CCNY: variants seen among roughly 807,000 people sequenced by gnomAD.
The protein encoded by CCNY is cyclin Y.
A neutral mutation model predicts 42.8 loss-of-function variants in CCNY; 19 were observed. The observed-to-expected ratio is 0.44, with a 90% confidence interval of 0.31 to 0.65. The LOEUF is 0.65. Ranked by LOEUF, CCNY falls within the 30% of genes least tolerant of loss-of-function variation. The pLI is 0.07. For synonymous variants in CCNY, 165 were observed against 162.7 expected, an observed-to-expected ratio of 1.01 and a Z score of -0.11; for missense variants, 370 against 437.3, an observed-to-expected ratio of 0.85 and a Z score of 1.37.
At chr10:35,480,285 C>T (rs1475800422) in intron 1 of CCNY, among the ~76,000 whole-genome samples, 10 of 152,308 alleles carry the variant, frequency 6.6e-5, no homozygotes, top group Non-Finnish European at 1.3e-4. Context: ...TTTTCTTAGC[C>T]TCCCACTTGG....
At chr10:35,430,464 G>A (rs952600749) in intron 1 of CCNY, among the ~76,000 whole-genome samples, 1 of 151,952 alleles carries the variant, frequency 6.6e-6, no homozygotes, top group Non-Finnish European at 1.5e-5. Flanking sequence ...AGTGGGAAAG[G>A]AAAGAGGGAG....
chr10:35,506,909 A>G (rs1249730091), intron 3 of CCNY, among the ~76,000 whole-genome samples: 1 of 152,204 alleles, frequency 6.6e-6, no homozygotes. Context: ...TTGCTCTGAC[A>G]CTGCTACATG....
intron 1 of CCNY, among the ~76,000 whole-genome samples, chr10:35,430,264 G>A (rs1338060730): frequency 6.8e-6 from 1 of 147,202 alleles, no homozygotes; most frequent in Admixed American, 6.8e-5. Flanking sequence ...GTGAACCCGG[G>A]AGGCGGAGCT....
intron 3 of CCNY, among the ~76,000 whole-genome samples, chr10:35,275,357 C>T (rs954121019): frequency 1.3e-5 from 2 of 151,876 alleles, no homozygotes; most frequent in African/African-American, 4.8e-5. Context: ...TGAGCCACTG[C>T]GCCCAGTCGA....
At chr10:35,421,622 G>A (rs769901916) in intron 1 of CCNY, among the ~76,000 whole-genome samples, 2 of 152,116 alleles carry the variant, frequency 1.3e-5, no homozygotes, top group African/African-American at 2.4e-5. Flanking sequence ...GCTTTTGTCC[G>A]TGTTGCCTGG....
At chr10:35,457,374 T>C (rs1839060097) in intron 1 of CCNY, among the ~76,000 whole-genome samples, 1 of 152,262 alleles carries the variant, frequency 6.6e-6, no homozygotes, top group South Asian at 2.1e-4. Flanking sequence ...TGTCCACAGG[T>C]CTCTCTCGTG....
chr10:35,298,732 A>G (rs549272217), intron 3 of CCNY, among the ~76,000 whole-genome samples: 1 of 152,230 alleles, frequency 6.6e-6, no homozygotes, highest in Non-Finnish European at 1.5e-5. Context: ...TATGTTGCTC[A>G]GGTTGGTCTC....
chr10:35,487,380 G>T (rs544914418), intron 2 of CCNY, among the ~76,000 whole-genome samples: 1 of 152,218 alleles, frequency 6.6e-6, no homozygotes, highest in African/African-American at 2.4e-5. Flanking sequence ...TCATGTTAGG[G>T]CAGCTGCTGC....
intron 1 of CCNY, among the ~76,000 whole-genome samples, chr10:35,380,042 G>A (rs1041788984): frequency 1.3e-5 from 2 of 152,202 alleles, no homozygotes; most frequent in African/African-American, 4.8e-5. Flanking sequence ...TGTTTCGAAC[G>A]TTTGGACTTG....
intron 1 of CCNY, among the ~76,000 whole-genome samples, chr10:35,337,603 T>C (rs1836075498): frequency 1.3e-5 from 2 of 152,176 alleles, no homozygotes; most frequent in Non-Finnish European, 2.9e-5. Flanking sequence ...GCGTTTGTCC[T>C]ATAAAAGCGA....
At chr10:35,260,095 A>G (rs565623523) in intron 3 of CCNY, among the ~76,000 whole-genome samples, 67 of 152,060 alleles carry the variant, frequency 4.4e-4, no homozygotes, top group Non-Finnish European at 8.7e-4. Flanking sequence ...TTCCACCTTC[A>G]GTGCCTTTTT....
At chr10:35,319,673 A>C (rs1435849172) in intron 3 of CCNY, among the ~76,000 whole-genome samples, 1 of 152,146 alleles carries the variant, frequency 6.6e-6, no homozygotes, top group African/African-American at 2.4e-5. Flanking sequence ...CAGGAGTTTG[A>C]GACCAGCCAG....
At chr10:35,492,234 T>C (rs1386247650) in intron 2 of CCNY, among the ~76,000 whole-genome samples, 1 of 152,240 alleles carries the variant, frequency 6.6e-6, no homozygotes, top group East Asian at 1.9e-4. Context: ...CAGAGCCCTT[T>C]TCACCCTTCT....
rs981114877 is a variant in CCNY at position 35,304,411 on chromosome 10, G to A, written c.-9+53785G>A. On this transcript the variant is annotated intron_variant, in intron 3 of 11. Transcript: ENST00000374706. ...TGCAAGCTCCGCCTCCCGGGTTCACGCCATTCTCCTGCCTCAGCCTCCCAA... is the reference window on the plus strand; with the variant it reads ...TGCAAGCTCCGCCTCCCGGGTTCACACCATTCTCCTGCCTCAGCCTCCCAA... Among the ~76,000 whole-genome samples, 9 of 96,674 alleles carry A rather than the reference G, an allele frequency of 9.3e-5. 1 individual carries two copies. Among genetic ancestry groups the A allele is most frequent in the Non-Finnish European group, 1.4e-4 (7 of 50,794 alleles). 63.4% of individuals were successfully genotyped at this position (96,674 alleles called of 152,430 possible).
At chr10:35,416,427 C>T (rs1253388064) in intron 1 of CCNY, among the ~76,000 whole-genome samples, 4 of 151,780 alleles carry the variant, frequency 2.6e-5, no homozygotes, top group Non-Finnish European at 5.9e-5. Context: ...AGTGGGACAC[C>T]GTCTTCTAAA....
intron 2 of CCNY, among the ~76,000 whole-genome samples, chr10:35,493,967 C>T (rs1315429603): frequency 6.6e-6 from 1 of 152,172 alleles, no homozygotes; most frequent in Non-Finnish European, 1.5e-5. Context: ...GACTGTGACA[C>T]CTTGCACCAG....
chr10:35,341,616 A>G (rs1288174665), intron 1 of CCNY, among the ~76,000 whole-genome samples: 1 of 152,216 alleles, frequency 6.6e-6, no homozygotes, highest in Non-Finnish European at 1.5e-5. Context: ...GAAACCAACC[A>G]TTGAAGGATG....
chr10:35,343,537 G>A (rs529517700), intron 1 of CCNY, among the ~76,000 whole-genome samples: 1 of 151,846 alleles, frequency 6.6e-6, no homozygotes, highest in Non-Finnish European at 1.5e-5. Context: ...CTACAGGCAC[G>A]TGCCACCACG....
chr10:35,382,551 A>C (rs1454145126), intron 1 of CCNY, among the ~76,000 whole-genome samples: 1 of 152,058 alleles, frequency 6.6e-6, no homozygotes, highest in Admixed American at 6.5e-5. Flanking sequence ...TTTAGTTATC[A>C]CCACTGGATG....
Sources: allele counts gnomAD v4.1 joint callset (sites outside exome capture counted in the v4.1 genomes callset), GRCh38; gene constraint gnomAD v4.1.1; transcripts MANE v1.5; gene names NCBI Gene and HGNC (gene_info 2026-07-23, HGNC 2026-07-21).